GLIS3: variants seen among roughly 807,000 people sequenced by gnomAD.
GLIS3 encodes zinc finger protein GLIS3.
A neutral mutation model predicts 78.6 loss-of-function variants in GLIS3; 53 were observed. That is an observed-to-expected ratio of 0.67 (90% CI 0.54 to 0.85). The LOEUF (loss-of-function observed/expected upper bound fraction) is 0.85, where lower values mean the gene tolerates loss of function less well. Among genes scored for constraint, GLIS3 ranks in the 40% least tolerant of loss-of-function variants. The pLI, the probability that GLIS3 is intolerant of heterozygous loss-of-function variation, is 0.00. For synonymous variants in GLIS3, 684 were observed against 509.9 expected (o/e 1.34, Z -4.60); for missense variants, 1,703 against 1,231.1 (o/e 1.38, Z -5.74).
chr9:4,158,125 T>C (rs1382604703), intron 2 of GLIS3, among the ~76,000 whole-genome samples: 1 of 152,186 alleles, frequency 6.6e-6, no homozygotes, highest in East Asian at 1.9e-4. Flanking sequence ...GAAAAAATCT[T>C]TTTTTTCCTT....
intron 8 of GLIS3, among the ~76,000 whole-genome samples, chr9:3,871,369 G>A (rs955915707): frequency 1.3e-5 from 2 of 152,196 alleles, no homozygotes; most frequent in Admixed American, 6.5e-5. Flanking sequence ...ACTAGACAGT[G>A]TCCCAGTAGA....
At chr9:4,007,307 C>A (rs1226563185) in intron 4 of GLIS3, among the ~76,000 whole-genome samples, 3 of 152,058 alleles carry the variant, frequency 2.0e-5, no homozygotes, top group East Asian at 1.9e-4. Context: ...GAGATCTGAG[C>A]TTTTACCCCA....
chr9:3,862,951 C>T (rs1378414088), intron 8 of GLIS3, among the ~76,000 whole-genome samples: 2 of 152,016 alleles, frequency 1.3e-5, no homozygotes, highest in East Asian at 1.9e-4. Context: ...GGGGTATCAT[C>T]TGTGGCGGTT....
Position 3,829,309 on chromosome 9 carries a change from C to A in GLIS3, c.2656+1G>T. The A allele has an allele frequency of 3.1e-6, 5 of 1,613,770 alleles. No individual in the cohort carries two copies. The highest frequency in any genetic ancestry group is 4.2e-6 in the Non-Finnish European group (5 of 1,179,778). ...TTCTAAGTCACAGACAACCAACACACCTGTAATGCCCGAGTGAGTCGAGAA... is the reference window on the plus strand; with the variant it reads ...TTCTAAGTCACAGACAACCAACACAACTGTAATGCCCGAGTGAGTCGAGAA... On this transcript the variant is annotated splice_donor_variant, in intron 10 of 10. Transcript: ENST00000381971. LOFTEE classifies it high-confidence loss of function.
At chr9:4,358,343 T>C in the GLIS3 span, among the ~76,000 whole-genome samples, 1 of 152,036 alleles carries the variant, frequency 6.6e-6, no homozygotes, top group Non-Finnish European at 1.5e-5. Context: ...AAGAGACTAA[T>C]ACAAAGTTGA....
At chr9:4,429,113 G>A in the GLIS3 span, among the ~76,000 whole-genome samples, 33,884 of 152,054 alleles carry the variant, frequency 0.22, 4,534 homozygotes, top group African/African-American at 0.38. Context: ...GGAAGTGGCA[G>A]TTCCATAGCA....
At chr9:3,860,703 G>C (rs1820157871) in intron 8 of GLIS3, among the ~76,000 whole-genome samples, 1 of 152,194 alleles carries the variant, frequency 6.6e-6, no homozygotes, top group African/African-American at 2.4e-5. Flanking sequence ...GGGTAAACAA[G>C]TAAATTCCCC....
upstream of GLIS3, among the ~76,000 whole-genome samples, chr9:4,304,677 C>T (rs1306362599): frequency 1.3e-5 from 2 of 152,192 alleles, no homozygotes; most frequent in African/African-American, 2.4e-5. Flanking sequence ...ACTGATACCT[C>T]AGAATAATTG....
chr9:4,162,360 TG>T (rs1835550372), intron 2 of GLIS3, among the ~76,000 whole-genome samples: 1 of 152,130 alleles, frequency 6.6e-6, no homozygotes, highest in East Asian at 1.9e-4. Context: ...GGCATTAATT[TG>T]GGGGGATATC....
At chr9:3,885,801 C>T (rs767166965) in intron 7 of GLIS3, among the ~76,000 whole-genome samples, 7 of 152,176 alleles carry the variant, frequency 4.6e-5, no homozygotes, top group Admixed American at 6.5e-5. Flanking sequence ...CATCAGAAAT[C>T]GGGCACTTTA....
At chr9:3,991,986 G>A (rs574678892) in intron 4 of GLIS3, among the ~76,000 whole-genome samples, 13 of 152,186 alleles carry the variant, frequency 8.5e-5, no homozygotes, top group Admixed American at 2.0e-4. Flanking sequence ...CACCCTGCCC[G>A]GCCAGTAGGC....
chr9:4,340,156 A>G (rs1817814144), intron 2 of GLIS3, among the ~76,000 whole-genome samples: 1 of 151,794 alleles, frequency 6.6e-6, no homozygotes, highest in African/African-American at 2.4e-5. Flanking sequence ...CCTTCTCCAT[A>G]CTTTTAATAT....
In GLIS3 at chr9:3,885,424, A is replaced by T. The variant is rs144431366; in HGVS notation, c.2129-5829T>A. Among the ~76,000 whole-genome samples, 29 of 152,260 alleles carry T rather than the reference A, an allele frequency of 1.9e-4. No individual in the cohort carries two copies. In the East Asian group the frequency reaches 5.6e-3, roughly 29 times the overall value. On this transcript the variant is annotated intron_variant, in intron 7 of 10. Transcript: ENST00000381971. ...CATTATGGCCATGGTGCTGCTCCTC[A>T]TGCAGGCTTGCTCTCATAGAAAAGG...
chr9:4,166,719 A>G (rs931471538), intron 2 of GLIS3, among the ~76,000 whole-genome samples: 1 of 152,230 alleles, frequency 6.6e-6, no homozygotes, highest in Non-Finnish European at 1.5e-5. Context: ...CTACACATAA[A>G]AGCAGTTACT....
At chr9:4,303,376 T>C (rs1193983895), upstream of GLIS3, among the ~76,000 whole-genome samples, 1 of 152,000 alleles carries the variant, frequency 6.6e-6, no homozygotes, top group Non-Finnish European at 1.5e-5. Flanking sequence ...ATGTGTAAAA[T>C]GGAAAATTTC....
At chr9:4,038,641 C>G (rs184806463) in intron 4 of GLIS3, among the ~76,000 whole-genome samples, 15 of 152,290 alleles carry the variant, frequency 9.8e-5, no homozygotes, top group African/African-American at 3.4e-4. Flanking sequence ...TTCTGCAAAC[C>G]ACTGTGCTAG....
chr9:4,381,788 T>TTC, the GLIS3 span, among the ~76,000 whole-genome samples: 1 of 152,196 alleles, frequency 6.6e-6, no homozygotes, highest in Admixed American at 6.5e-5. Context: ...CTACCTGGCT[T>TTC]TCTGTTATGT....
rs1825594545 is a variant in GLIS3 at position 4,049,980 on chromosome 9, A to G, written c.1710+67788T>C. On this transcript the variant is annotated intron_variant, in intron 4 of 10. Transcript: ENST00000381971. Reference sequence around the variant, plus strand: ...CTGGAGAGGATGTGGAGAAATAGGAACACTTTTACACTGTTGGTGGGACTG... The same window carrying G: ...CTGGAGAGGATGTGGAGAAATAGGAGCACTTTTACACTGTTGGTGGGACTG... Among the ~76,000 whole-genome samples, 5 of 152,258 alleles carry G rather than the reference A, an allele frequency of 3.3e-5. 1 individual carries two copies. In the South Asian group the frequency reaches 8.3e-4, roughly 25 times the overall value.
At chr9:4,161,748 G>A (rs979996438) in intron 2 of GLIS3, among the ~76,000 whole-genome samples, 3 of 138,146 alleles carry the variant, frequency 2.2e-5, no homozygotes, top group Non-Finnish European at 4.5e-5. Flanking sequence ...CGCAATTCTC[G>A]GCTCACTGTA....
Sources: gnomAD v4.1 joint callset for allele counts (sites outside exome capture counted in the v4.1 genomes callset) on GRCh38, gnomAD v4.1.1 for gene constraint, MANE v1.5 for transcripts, NCBI Gene and HGNC (gene_info 2026-07-23, HGNC 2026-07-21) for gene names.